RGS6: variants seen among roughly 807,000 people sequenced by gnomAD.
The protein encoded by RGS6 is regulator of G-protein signaling 6.
A neutral mutation model predicts 78.5 loss-of-function variants in RGS6; 30 were observed. The observed-to-expected ratio is 0.38, with a 90% CI of 0.29 to 0.52. The LOEUF is 0.52. Among genes scored for constraint, RGS6 ranks in the 20% least tolerant of loss-of-function variants. The pLI is 0.85. For synonymous variants in RGS6, 206 were observed against 206.0 expected (o/e 1.00, Z 0.00); for missense variants, 495 against 609.7 (o/e 0.81, Z 1.98).
intron 2 of RGS6, among the ~76,000 whole-genome samples, chr14:72,009,484 G>T (rs2085256679): frequency 6.6e-6 from 1 of 152,238 alleles, no homozygotes; most frequent in Non-Finnish European, 1.5e-5. Context: ...CACAGCGAGA[G>T]AACTCTTGGA....
rs569625175 is a variant in RGS6 at position 71,978,691 on chromosome 14, C to T, written c.84+13816C>T. Among the ~76,000 whole-genome samples, 1,153 of 151,736 alleles carry T rather than the reference C, an allele frequency of 7.6e-3. 14 individuals are homozygous for T. Among genetic ancestry groups the T allele is most frequent in the African/African-American group, 0.026 (1,091 of 41,328 alleles). On this transcript the variant is annotated intron_variant, in intron 2 of 17. Transcript: ENST00000553525. ...AGTATTTTATTGAGGATTTTTGCAT[C>T]AATGTTCATCAAGGATATTGGTCTA...
intron 2 of RGS6, among the ~76,000 whole-genome samples, chr14:72,162,289 C>G (rs185321240): frequency 6.0e-4 from 91 of 152,222 alleles, no homozygotes; most frequent in Admixed American, 9.8e-4. Context: ...AATACCTTTG[C>G]TGGGCTTCTT....
At chr14:72,069,832 G>A (rs1020520798) in intron 2 of RGS6, among the ~76,000 whole-genome samples, 3 of 152,080 alleles carry the variant, frequency 2.0e-5, no homozygotes, top group East Asian at 1.9e-4. Context: ...GGGCCACTGC[G>A]CCCAGCCAAT....
chr14:72,040,032 T>C (rs939532310), intron 2 of RGS6, among the ~76,000 whole-genome samples: 1 of 152,100 alleles, frequency 6.6e-6, no homozygotes, highest in African/African-American at 2.4e-5. Flanking sequence ...AATTATACCT[T>C]TTTATATTGC....
At position 72,449,246 on chromosome 14, in the gene RGS6, A is replaced by G. The variant is rs547357746; in HGVS notation, c.185-5282A>G. Among the ~76,000 whole-genome samples, 4 of 152,352 alleles carry G rather than the reference A, an allele frequency of 2.6e-5. No individual in the cohort carries two copies. The South Asian group carries it at 6.2e-4, about 24-fold the overall frequency. ...TCAAAAGAAAGTGTCTTTCCCCAACAGTCAAGATTGATAATTAGTTTATGA... is the reference window on the plus strand; with the variant it reads ...TCAAAAGAAAGTGTCTTTCCCCAACGGTCAAGATTGATAATTAGTTTATGA... On this transcript the variant is annotated intron_variant, in intron 3 of 17. Transcript: ENST00000553525.
chr14:71,920,097 A>G, the RGS6 span, among the ~76,000 whole-genome samples: 10,644 of 152,298 alleles, frequency 0.07, 447 homozygotes, highest in Non-Finnish European at 0.091. Flanking sequence ...GCTCACCCTT[A>G]CATGAACAGG....
chr14:72,577,392 C>T, the RGS6 span, among the ~76,000 whole-genome samples: 12 of 152,162 alleles, frequency 7.9e-5, no homozygotes, highest in South Asian at 2.1e-4. Flanking sequence ...GCCAGGGTTC[C>T]GCATTCCTGC....
At chr14:72,097,470 T>G (rs2095432413) in intron 2 of RGS6, among the ~76,000 whole-genome samples, 1 of 152,246 alleles carries the variant, frequency 6.6e-6, no homozygotes. Flanking sequence ...GCTTTTCATC[T>G]GAATGAATGG....
chr14:72,034,843 A>G (rs577555360), intron 2 of RGS6, among the ~76,000 whole-genome samples: 20 of 152,234 alleles, frequency 1.3e-4, no homozygotes, highest in African/African-American at 4.1e-4. Flanking sequence ...TTTCCTTTCC[A>G]GTTACCATAT....
intron 13 of RGS6, 127 bp from the exon 14 acceptor site, chr14:72,510,027 C>A: frequency 1.9e-6 from 2 of 1,054,118 alleles, no homozygotes; most frequent in Non-Finnish European, 2.7e-6. Flanking sequence ...GTAGAATCTG[C>A]CCCTTAAATA....
chr14:72,296,920 T>C (rs1363042523), intron 2 of RGS6, among the ~76,000 whole-genome samples: 1 of 152,230 alleles, frequency 6.6e-6, no homozygotes, highest in Admixed American at 6.5e-5. Context: ...TATACATTTA[T>C]GTCTATGATT....
intron 1 of RGS6, among the ~76,000 whole-genome samples, chr14:71,952,320 A>AT (rs2092399316): frequency 1.3e-5 from 2 of 152,096 alleles, no homozygotes; most frequent in South Asian, 4.1e-4. Flanking sequence ...GGCCAAGAGT[A>AT]TTTTCATGAA....
chr14:72,354,222 G>T (rs1015023581), intron 3 of RGS6, among the ~76,000 whole-genome samples: 1 of 152,102 alleles, frequency 6.6e-6, no homozygotes, highest in African/African-American at 2.4e-5. Flanking sequence ...ATGTCTCACA[G>T]TTCTGGAGGC....
chr14:72,105,739 A>G (rs534655305), intron 2 of RGS6, among the ~76,000 whole-genome samples: 2 of 152,226 alleles, frequency 1.3e-5, no homozygotes, highest in African/African-American at 4.8e-5. Context: ...AGAAACGCTT[A>G]TTTAGTTGAT....
the RGS6 span, among the ~76,000 whole-genome samples, chr14:72,578,656 A>G: frequency 6.6e-6 from 1 of 152,246 alleles, no homozygotes; most frequent in Non-Finnish European, 1.5e-5. Context: ...GCATAGTCTG[A>G]GCCCTTCAAG....
chr14:71,917,576 A>G, the RGS6 span, among the ~76,000 whole-genome samples: 1 of 152,182 alleles, frequency 6.6e-6, no homozygotes, highest in African/African-American at 2.4e-5. Flanking sequence ...GTCACAGCTT[A>G]GGCTGCAGCC....
intron 2 of RGS6, among the ~76,000 whole-genome samples, chr14:72,075,143 C>G (rs1484030046): frequency 6.6e-6 from 1 of 152,114 alleles, no homozygotes; most frequent in Non-Finnish European, 1.5e-5. Flanking sequence ...GATATAGTTT[C>G]TGATTATTTT....
intron 2 of RGS6, among the ~76,000 whole-genome samples, chr14:72,059,072 G>C (rs888773245): frequency 4.6e-5 from 7 of 152,128 alleles, no homozygotes; most frequent in Admixed American, 3.3e-4. Flanking sequence ...GCTAATTTTT[G>C]TATTTTTAGT....
At chr14:72,161,603 G>A (rs933800440) in intron 2 of RGS6, among the ~76,000 whole-genome samples, 1 of 152,118 alleles carries the variant, frequency 6.6e-6, no homozygotes, top group Non-Finnish European at 1.5e-5. Flanking sequence ...ATGAGCTAGG[G>A]GGCTCAAAAC....
Sources: allele counts gnomAD v4.1 joint callset (sites outside exome capture counted in the v4.1 genomes callset), GRCh38; gene constraint gnomAD v4.1.1; transcripts MANE v1.5; gene names NCBI Gene and HGNC (gene_info 2026-07-23, HGNC 2026-07-21).